GRIN1: variants seen among roughly 807,000 people sequenced by gnomAD.
GRIN1 encodes glutamate receptor ionotropic, NMDA 1.
A neutral mutation model predicts 103.0 loss-of-function variants in GRIN1; 38 were observed. The ratio of observed to expected loss-of-function variants is 0.37; its 90% confidence interval spans 0.28 to 0.48. The LOEUF (loss-of-function observed/expected upper bound fraction) is 0.48. Among genes scored for constraint, GRIN1 ranks in the 20% least tolerant of loss-of-function variants. The pLI, the probability that GRIN1 is intolerant of heterozygous loss-of-function variation, is 0.98. For synonymous variants in GRIN1, 544 were observed against 532.7 expected (o/e 1.02, Z -0.29); for missense variants, 577 against 1,288.9 (o/e 0.45, Z 8.46).
chr9:137,162,328 G>C (rs1253072437), intron 12 of GRIN1, 38 bp downstream of exon 12: 2 of 1,551,312 alleles, frequency 1.3e-6, no homozygotes, highest in Admixed American at 1.9e-5. Context: ...TCCATCTGCG[G>C]GGCGCGGAGC....
Position 137,144,711 on chromosome 9 carries a change from CTAGAAAGTGT to C in GRIN1, c.394-1014_394-1005del, listed in dbSNP as rs1260105285. 2.3e-3 allele frequency among the ~76,000 whole-genome samples: 295 copies of C among 125,726 alleles called. 7 individuals are homozygous for C. The highest frequency in any genetic ancestry group is 0.014 in the East Asian group (58 of 4,210). 82.5% of individuals were successfully genotyped at this position (125,726 alleles called of 152,430 possible). A position where few individuals can be genotyped will look rare whatever the true frequency, so the allele number is the denominator to read the frequency against. On this transcript the variant is annotated intron_variant, in intron 2 of 19. Transcript: ENST00000371561. ...GGGAGACAGGAGGGGGTCCCAGGGTCTAGAAAGTGTCCCCAGGGGTGTGGGGACAGGAGTG... is the reference window on the plus strand; with the variant it reads ...GGGAGACAGGAGGGGGTCCCAGGGTCCCCCAGGGGTGTGGGGACAGGAGTG...
chr9:137,156,218 T>C (rs1044932832), intron 4 of GRIN1, among the ~76,000 whole-genome samples: 1 of 152,162 alleles, frequency 6.6e-6, no homozygotes, highest in Non-Finnish European at 1.5e-5. Flanking sequence ...TGATCAATGG[T>C]GATCCATTAC....
intron 14 of GRIN1, 40 bp downstream of exon 14, chr9:137,162,779 G>C: frequency 1.2e-5 from 20 of 1,601,474 alleles, no homozygotes; most frequent in Non-Finnish European, 1.7e-5. Flanking sequence ...TGCGAGGTGA[G>C]CTGGGGTCGG....
chr9:137,161,996 G>C lies in GRIN1; in HGVS notation c.1540G>C (p.Val514Leu), dbSNP rs1833577774. Residue 514 changes from valine to leucine, a missense_variant, in exon 11 of 20, where the codon GTG becomes CTG. By Grantham distance (32) the Val-to-Leu change is conservative (BLOSUM62 1). Around this residue, in one of 9 missense-constraint regions of GRIN1, gnomAD observed 96 missense variants for 145.0 expected, o/e 0.66. Transcript: ENST00000371561. The stretch of plus-strand genomic sequence containing the variant: ...GCTCAGCGGGCAGGCAGACATGATC[G>C]TGGCGCCGCTAACCATAAACAACGA... ...ELLSGQADMI[V>L]APLTINNERA... The C allele has an allele frequency of 1.3e-6, 2 of 1,559,482 alleles. No individual in the cohort carries two copies. Among genetic ancestry groups the C allele is most frequent in the African/African-American group, 1.4e-5 (1 of 73,476 alleles).
intron 4 of GRIN1, among the ~76,000 whole-genome samples, chr9:137,151,005 T>C (rs1173226003): frequency 1.6e-3 from 49 of 31,334 alleles, no homozygotes; most frequent in African/African-American, 1.6e-3. Context: ...CAGGGAAAAC[T>C]CTGCCCAGAT....
chr9:137,152,981 C>T (rs1227853679), intron 4 of GRIN1, among the ~76,000 whole-genome samples: 1 of 151,856 alleles, frequency 6.6e-6, no homozygotes, highest in South Asian at 2.1e-4. Flanking sequence ...AATGCATGTA[C>T]ACACACCATC....
intron 4 of GRIN1, among the ~76,000 whole-genome samples, chr9:137,153,900 C>T (rs910230157): frequency 5.3e-5 from 8 of 151,326 alleles, no homozygotes; most frequent in Non-Finnish European, 1.0e-4. Flanking sequence ...AACCTCTGCC[C>T]CCTGGGATTC....
rs200157670 is a variant in GRIN1 at position 137,161,044 on chromosome 9, C to G, written c.1198-12C>G. ...GTCGGTGGTCCAGGCTGGGTCTCCCCTTCCCCCCCAGATTGTGACGATCCA... is the reference window on the plus strand; with the variant it reads ...GTCGGTGGTCCAGGCTGGGTCTCCCGTTCCCCCCCAGATTGTGACGATCCA... On this transcript the variant is annotated splice_polypyrimidine_tract_variant and intron_variant, in intron 8 of 19. Transcript: ENST00000371561. 2 of 1,612,660 alleles carry G rather than the reference C, an allele frequency of 1.2e-6. No homozygotes were observed. The highest frequency in any genetic ancestry group is 1.7e-6 in the Non-Finnish European group (2 of 1,179,796).
rs1832514873 is a variant in GRIN1 at position 137,146,084 on chromosome 9, C to T, written c.570+182C>T. ...CATTTCACTCGCTTTTGCCATTAGTCGAAATCTCCTTCGTGTCAGTCCCTG... is the reference window on the plus strand; with the variant it reads ...CATTTCACTCGCTTTTGCCATTAGTTGAAATCTCCTTCGTGTCAGTCCCTG... On this transcript the variant is annotated intron_variant, in intron 3 of 19. Coordinates refer to ENST00000371561, the MANE Select transcript of GRIN1 (RefSeq NM_007327.4). This position sits in a 1 kb window ranked among gnomAD's most constrained non-coding sequence, Gnocchi z 6.7. Among the ~76,000 whole-genome samples the T allele has an allele frequency of 1.3e-5, 2 of 152,152 alleles. 1 individual carries two copies. The highest frequency in any genetic ancestry group is 4.1e-4 in the South Asian group (2 of 4,838).
chr9:137,167,411 A>C lies in GRIN1; in HGVS notation c.2701A>C (p.Ser901Arg), dbSNP rs1361123393. ...ATTGATTGTTGGTTCTTATTTATAG[A>C]GCACCGGGGGTGGACGCGGCGCTTT... ...FKRRRSSKDTSTGGGRGALQN... is the reference protein window; with the variant it reads ...FKRRRSSKDTRTGGGRGALQN... Residue 901 changes from serine (S) to arginine (R), a missense_variant and splice_region_variant, in exon 20 of 20, where the codon AGC (serine) becomes CGC (arginine). Ser to Arg is a moderately radical substitution (Grantham distance 110). Coordinates refer to ENST00000371561, the MANE Select transcript of GRIN1 (RefSeq NM_007327.4). The C allele has an allele frequency of 6.4e-7, 1 of 1,559,330 alleles. No individual in the cohort carries two copies. Among genetic ancestry groups the C allele is most frequent in the South Asian group, 1.2e-5 (1 of 84,850 alleles).
chr9:137,163,466 T>A lies in GRIN1; in HGVS notation c.2334-93T>A, dbSNP rs535538283. On this transcript the variant is annotated intron_variant, in intron 16 of 19. Transcript: ENST00000371561. ...GCGCTGCCCACTCCACGCCGCACCC[T>A]ACCCCGCAGGCCCCGCCCCGGCCCC... 3.4e-5 allele frequency: 47 copies of A among 1,380,606 alleles called. No homozygotes were observed. The South Asian group carries it at 4.4e-4, about 13-fold the overall frequency. The allele number at this position is 1,380,606 out of a possible 1,614,324, so 85.5% of individuals were successfully genotyped here.
intron 3 of GRIN1, 65 bp from the exon 4 acceptor site, chr9:137,148,942 ACT>A: frequency 8.4e-7 from 1 of 1,196,356 alleles, no homozygotes; most frequent in Non-Finnish European, 1.2e-6. Context: ...CTCCGGCCCA[ACT>A]CTCACCCCTG....
chr9:137,157,756 C>A (rs1398939302), intron 6 of GRIN1, among the ~76,000 whole-genome samples: 1 of 152,252 alleles, frequency 6.6e-6, no homozygotes, highest in East Asian at 1.9e-4. Flanking sequence ...GCAGAGCCAC[C>A]ATCCACAACG....
Position 137,142,063 on chromosome 9 carries a change from T to C in GRIN1, c.309T>C (p.Thr103=). 1 of 1,613,842 alleles carries C rather than the reference T, an allele frequency of 6.2e-7. No homozygotes were observed. Among genetic ancestry groups the C allele is most frequent in the Non-Finnish European group, 8.5e-7 (1 of 1,179,902 alleles). Residue 103 remains threonine, a synonymous_variant, in exon 2 of 20, where the codon ACT becomes ACC. Transcript: ENST00000371561. Reference sequence around the variant, plus strand: ...CACCTACCCCCAACGACCACTTCACTCCCACCCCTGTCTCCTACACAGCCG... The same window carrying C: ...CACCTACCCCCAACGACCACTTCACCCCCACCCCTGTCTCCTACACAGCCG... ...SHPPTPNDHF[T]PTPVSYTAGF...
intron 5 of GRIN1, 24 bp from the exon 6 acceptor site, chr9:137,156,839 G>A: frequency 6.2e-7 from 1 of 1,608,468 alleles, no homozygotes; most frequent in Non-Finnish European, 8.5e-7. Flanking sequence ...GACCCCACGG[G>A]CTCTGAGTCG....
chr9:137,144,552 G>C (rs1244485485), intron 2 of GRIN1, among the ~76,000 whole-genome samples: 1 of 152,046 alleles, frequency 6.6e-6, no homozygotes. Context: ...CTACTTGGGA[G>C]GCTGAGGCAG....
At chr9:137,144,595 C>A (rs866321666) in intron 2 of GRIN1, among the ~76,000 whole-genome samples, 3 of 148,826 alleles carry the variant, frequency 2.0e-5, no homozygotes, top group Non-Finnish European at 4.4e-5. Context: ...GCGGAGCCTG[C>A]AGTGAGCCGA....
At chr9:137,147,254 C>CA (rs1640002804) in intron 3 of GRIN1, among the ~76,000 whole-genome samples, 1 of 152,048 alleles carries the variant, frequency 6.6e-6, no homozygotes, top group African/African-American at 2.4e-5. Context: ...CAGCGCCACA[C>CA]ACACACCTGG....
In GRIN1 at chr9:137,139,440, G is replaced by A; in HGVS notation, c.-47G>A. On this transcript the variant is annotated 5_prime_UTR_variant, in exon 1 of 20. Transcript: ENST00000371561. This position sits in a 1 kb window ranked among gnomAD's most constrained non-coding sequence, Gnocchi z 7.7. ...GGAAGCCCCGCGGGGGATGCGCCGA[G>A]GGCCCCGCGTTCGCGCCGCGCAGAG... 7.2e-7 allele frequency: 1 copy of A among 1,391,892 alleles called. No homozygotes were observed. The highest frequency in any genetic ancestry group is 2.9e-5 in the East Asian group (1 of 34,708). 86.2% of individuals were successfully genotyped at this position (1,391,892 alleles called of 1,614,324 possible).
Sources: gnomAD v4.1 joint callset for allele counts (sites outside exome capture counted in the v4.1 genomes callset) on GRCh38, gnomAD v4.1.1 for gene constraint, gnomAD v4.1.1 regional missense constraint, Gnocchi (gnomAD v3.1) non-coding constraint, MANE v1.5 for transcripts, NCBI Gene and HGNC (gene_info 2026-07-23, HGNC 2026-07-21) for gene names.